CA3: variants seen among roughly 807,000 people sequenced by gnomAD.
CA3 encodes the protein carbonic anhydrase 3.
A neutral mutation model predicts 35.7 loss-of-function variants in CA3; 30 were observed. The ratio of observed to expected loss-of-function variants is 0.84; its 90% CI spans 0.63 to 1.14. The LOEUF (loss-of-function observed/expected upper bound fraction) is 1.14. Ranked by LOEUF, CA3 falls within the 50% of genes most tolerant of loss-of-function variation. The probability of loss-of-function intolerance (pLI) is 0.00; values close to 1 mark genes in which losing one functional copy is unlikely to be tolerated. For missense variants in CA3, 295 were observed against 328.5 expected (o/e 0.90, Z 0.79); for synonymous variants, 131 against 130.8 (o/e 1.00, Z -0.01).
chr8:85,446,029 A>G lies in CA3; in HGVS notation c.508-113A>G, dbSNP rs917883967. 17 of 1,015,898 alleles carry G rather than the reference A, an allele frequency of 1.7e-5. No homozygotes were observed. The South Asian group carries it at 2.4e-4, about 15-fold the overall frequency. 62.9% of individuals were successfully genotyped at this position (1,015,898 alleles called of 1,614,324 possible). A position where few individuals can be genotyped will look rare whatever the true frequency, so the allele number is the denominator to read the frequency against. ...GGCTTATACTTTGTTTAGAAGTTCT[A>G]TTTTCTCTATTGCATTTGAAATTCA... On this transcript the variant is annotated intron_variant, in intron 5 of 6. Transcript: ENST00000285381.
chr8:85,444,295 C>G (rs1811248070), intron 4 of CA3, among the ~76,000 whole-genome samples, 169 bp downstream of exon 4: 1 of 152,140 alleles, frequency 6.6e-6, no homozygotes, highest in Non-Finnish European at 1.5e-5. Context: ...AAATGTCTTA[C>G]TTTTCTCTAA....
chr8:85,447,935 A>G (rs1214625548), intron 6 of CA3, 99 bp from the exon 7 acceptor site: 11 of 1,156,840 alleles, frequency 9.5e-6, no homozygotes, highest in Non-Finnish European at 1.3e-5. Flanking sequence ...AAAAAAACCA[A>G]CAACAAAAAA....
chr8:85,446,929 G>A (rs1490902898), intron 6 of CA3, among the ~76,000 whole-genome samples: 1 of 152,006 alleles, frequency 6.6e-6, no homozygotes, highest in East Asian at 1.9e-4. Context: ...AAAATAAGTG[G>A]GCAAGAACAT....
chr8:85,445,153 C>T lies in CA3; in HGVS notation c.445-3C>T. 1 of 1,591,926 alleles carries T rather than the reference C, an allele frequency of 6.3e-7. No homozygotes were observed. On this transcript the variant is annotated splice_polypyrimidine_tract_variant and splice_region_variant and intron_variant, in intron 4 of 6. Coordinates refer to ENST00000285381, the MANE Select transcript of CA3 (RefSeq NM_005181.4). ...CTATACTTGGATTTCTGTTTTCTTA[C>T]AGATAGGACATGAGAATGGCGAGTT...
In CA3 at chr8:85,439,750, G is replaced by A; in HGVS notation, c.73G>A (p.Gly25Arg). 1 of 1,613,976 alleles carries A rather than the reference G, an allele frequency of 6.2e-7. No individual in the cohort carries two copies. The highest frequency in any genetic ancestry group is 8.5e-7 in the Non-Finnish European group (1 of 1,179,946). The change falls in exon 2 of 7, where the codon GGG becomes AGG. Residue 25 changes from glycine (G) to arginine (R), a missense_variant. Gly to Arg is a moderately radical substitution (Grantham distance 125). Coordinates refer to ENST00000285381, the MANE Select transcript of CA3 (RefSeq NM_005181.4). ...GCATGAACTTTTCCCAAATGCCAAG[G>A]GGGAAAACCAGTCGCCCGTTGAGCT... is the stretch of plus-strand genomic sequence containing the variant. ...HWHELFPNAK[G>R]ENQSPVELHT...
In CA3 at chr8:85,444,028, T is replaced by G; in HGVS notation, c.352-6T>G. On this transcript the variant is annotated splice_region_variant and splice_polypyrimidine_tract_variant and intron_variant, in intron 3 of 6. Coordinates refer to ENST00000285381, the MANE Select transcript of CA3 (RefSeq NM_005181.4). The stretch of plus-strand genomic sequence containing the variant: ...TTACCTTCTAATCTGTCTTCTATGG[T>G]TTCAGCTTCATTTGGTTCACTGGAA... 2 of 1,593,806 alleles carry G rather than the reference T, an allele frequency of 1.3e-6. No individual in the cohort carries two copies. Among genetic ancestry groups the G allele is most frequent in the Non-Finnish European group, 1.7e-6 (2 of 1,161,456 alleles).
chr8:85,442,101 C>G lies in CA3; in HGVS notation c.261C>G (p.Pro87=), dbSNP rs200115790. ...SMLRGGPLPG[P]YRLRQFHLHW... ...TGAGAGGGGGTCCTCTCCCTGGACCCTACCGACTTCGCCAGTTTCATCTTC... is the reference window on the plus strand; with the variant it reads ...TGAGAGGGGGTCCTCTCCCTGGACCGTACCGACTTCGCCAGTTTCATCTTC... Residue 87 remains proline, a synonymous_variant, in exon 3 of 7, where the codon CCC becomes CCG. Coordinates refer to ENST00000285381, the MANE Select transcript of CA3 (RefSeq NM_005181.4). The G allele has an allele frequency of 1.9e-6, 3 of 1,600,768 alleles. No individual in the cohort carries two copies. In the Admixed American group the frequency reaches 5.0e-5, roughly 27 times the overall value.
chr8:85,441,142 C>T (rs1347139645), intron 2 of CA3, among the ~76,000 whole-genome samples: 1 of 152,196 alleles, frequency 6.6e-6, no homozygotes, highest in Non-Finnish European at 1.5e-5. Context: ...ATATTTATGG[C>T]TTTCCCTGGG....
chr8:85,446,355 ATGCT>A, intron 6 of CA3, 58 bp downstream of exon 6: 1 of 1,555,418 alleles, frequency 6.4e-7, no homozygotes, highest in Non-Finnish European at 8.8e-7. Context: ...TAAGATACAG[ATGCT>A]AAATCAAAAA....
intron 3 of CA3, 89 bp downstream of exon 3, chr8:85,442,280 C>T: frequency 2.5e-6 from 2 of 784,530 alleles, no homozygotes; most frequent in Non-Finnish European, 4.6e-6. Context: ...AAGCATCATC[C>T]ACTGCTTTTG....
chr8:85,444,356 C>T (rs927011582), intron 4 of CA3, among the ~76,000 whole-genome samples: 4 of 148,018 alleles, frequency 2.7e-5, no homozygotes, highest in African/African-American at 9.7e-5. Flanking sequence ...TAAATTTTCC[C>T]CAGATGTGGG....
In CA3 at chr8:85,446,157, T is replaced by C; in HGVS notation, c.523T>C (p.Phe175Leu). 1 of 1,611,120 alleles carries C rather than the reference T, an allele frequency of 6.2e-7. No homozygotes were observed. The highest frequency in any genetic ancestry group is 1.3e-5 in the African/African-American group (1 of 75,010). The part of the protein sequence containing the change: ...KIKTKGKEAP[F>L]TKFDPSCLFP... ...TCTTACCCAGGGCAAGGAGGCGCCC[T>C]TCACAAAGTTTGACCCATCCTGCCT... The change falls in exon 6 of 7, where the codon TTC becomes CTC. Residue 175 changes from phenylalanine to leucine, a missense_variant. By Grantham distance (22) the Phe-to-Leu change is conservative. Transcript: ENST00000285381.
intron 2 of CA3, 22 bp downstream of exon 2, chr8:85,439,931 A>C (rs1811186181): frequency 6.4e-7 from 1 of 1,571,276 alleles, no homozygotes. Context: ...AATGAGGTAG[A>C]ATCACATGGA....
rs1811304316 is a variant in CA3, at chr8:85,447,202, A to G, written c.664-832A>G. Among the ~76,000 whole-genome samples, 5 of 152,288 alleles carry G rather than the reference A, an allele frequency of 3.3e-5. 1 individual carries two copies. The South Asian group carries it at 1.0e-3, about 32-fold the overall frequency. On this transcript the variant is annotated intron_variant, in intron 6 of 6. Coordinates refer to ENST00000285381, the MANE Select transcript of CA3 (RefSeq NM_005181.4). ...TCTAAAAATATTTTAATATAGAATC[A>G]TAGTGTTATTAATGAGAATTTCTTA... is the stretch of plus-strand genomic sequence containing the variant.
chr8:85,439,870 A>T lies in CA3; in HGVS notation c.193A>T (p.Thr65Ser). ...CAAGACCATCCTGAATAATGGGAAG[A>T]CCTGCCGAGTTGTATTTGATGATAC... ...SAKTILNNGK[T>S]CRVVFDDTYD... Residue 65 changes from threonine to serine, a missense_variant, in exon 2 of 7, where the codon ACC (threonine) becomes TCC (serine). By Grantham distance (58) the Thr-to-Ser change is moderately conservative. Coordinates refer to ENST00000285381, the MANE Select transcript of CA3 (RefSeq NM_005181.4). 6.2e-7 allele frequency: 1 copy of T among 1,613,756 alleles called. No individual in the cohort carries two copies. Among genetic ancestry groups the T allele is most frequent in the Middle Eastern group, 1.7e-4 (1 of 6,028 alleles).
intron 6 of CA3, 139 bp downstream of exon 6, chr8:85,446,436 T>G (rs1375645708): frequency 1.0e-6 from 1 of 996,248 alleles, no homozygotes; most frequent in Admixed American, 2.8e-5. Flanking sequence ...TCTGCCCTGG[T>G]TAATTACAAC....
chr8:85,442,503 A>C (rs994179583), intron 3 of CA3: 1 of 247,742 alleles, frequency 4.0e-6, no homozygotes, highest in Non-Finnish European at 8.1e-6. Context: ...GCTTGAGCCC[A>C]GGAGTTCGAG....
intron 2 of CA3, chr8:85,441,779 A>T: frequency 2.8e-6 from 1 of 352,530 alleles, no homozygotes; most frequent in Non-Finnish European, 5.4e-6. Flanking sequence ...GGGTGTATGC[A>T]TCCTCATTGT....
At chr8:85,445,692 AT>A (rs926993562) in intron 5 of CA3, among the ~76,000 whole-genome samples, 2 of 151,992 alleles carry the variant, frequency 1.3e-5, no homozygotes, top group Non-Finnish European at 1.5e-5. Flanking sequence ...CATTTTAATT[AT>A]TTTTTTTCTG....
Sources: allele counts gnomAD v4.1 joint callset (sites outside exome capture counted in the v4.1 genomes callset), GRCh38; gene constraint gnomAD v4.1.1; transcripts MANE v1.5; gene names NCBI Gene and HGNC (gene_info 2026-07-23, HGNC 2026-07-21).